Variants in VPS53 observed in about 807,000 individuals in gnomAD.
The protein encoded by VPS53 is VPS53 subunit of GARP complex.
VPS53 carries 70 observed loss-of-function variants against 107.0 expected under a neutral mutation model. That is an observed-to-expected ratio of 0.65 (90% CI 0.54 to 0.80). The LOEUF is 0.80. Ranked by LOEUF, VPS53 falls within the 30% of genes least tolerant of loss-of-function variation. VPS53 has a pLI of 0.00. For synonymous variants in VPS53, 409 were observed against 393.3 expected (o/e 1.04, Z -0.47); for missense variants, 917 against 1,049.4 (o/e 0.87, Z 1.74).
In VPS53 at chr17:517,207, G is replaced by T; in HGVS notation, c.*1921C>A. On this transcript the variant is annotated 3_prime_UTR_variant, in exon 22 of 22. Coordinates refer to ENST00000437048, the MANE Select transcript of VPS53 (RefSeq NM_001128159.3). ...TCTTATTTGGAATCTTTTCCTAATA[G>T]ACCTCAACTGAAGGCCGCATCTCCT... 2.7e-6 allele frequency: 1 copy of T among 370,986 alleles called. No homozygotes were observed. The highest frequency in any genetic ancestry group is 4.8e-6 in the Non-Finnish European group (1 of 209,192). The allele number at this position is 370,986 out of a possible 1,614,324, so 23.0% of individuals were successfully genotyped here.
chr17:631,698 G>C, intron 7 of VPS53, 70 bp from the exon 8 acceptor site: 1 of 1,445,950 alleles, frequency 6.9e-7, no homozygotes, highest in Admixed American at 1.8e-5. Context: ...GATCCACAGG[G>C]TCGGAAGGGC....
intron 12 of VPS53, chr17:599,986 C>A (rs1466126642): frequency 1.3e-5 from 2 of 152,264 alleles, no homozygotes; most frequent in African/African-American, 4.8e-5. Flanking sequence ...GACAAGAGTC[C>A]AGCATTTTCC....
chr17:655,375 A>G (rs1196017367), intron 6 of VPS53, among the ~76,000 whole-genome samples: 1 of 151,922 alleles, frequency 6.6e-6, no homozygotes, highest in Non-Finnish European at 1.5e-5. Flanking sequence ...ATGACAGTGC[A>G]ACTCAGCCCA....
In VPS53 at chr17:519,840, T is replaced by C. The variant is rs1908587077; in HGVS notation, c.2314A>G (p.Ile772Val). Residue 772 changes from isoleucine to valine, a missense_variant, in exon 21 of 22, where the codon ATA becomes GTA. Physicochemically the swap from Ile to Val is conservative, Grantham distance 29 (BLOSUM62 3). Transcript: ENST00000437048. The surrounding 1 kb of genome is among the most constrained non-coding windows in gnomAD (Gnocchi z 5.0). ...TDCNTETFQK[I>V]LDMKGLKRSE... is the part of the protein sequence containing the mutation. ...CCGGCACAAACCTTCATGTCCAGTA[T>C]CTTCTGAAAGGTTTCTGTGTTGCAG... 6.4e-7 allele frequency: 1 copy of C among 1,551,426 alleles called. No homozygotes were observed. The highest frequency in any genetic ancestry group is 2.0e-5 in the Admixed American group (1 of 51,006).
chr17:588,025 G>A (rs1967417884), intron 12 of VPS53, among the ~76,000 whole-genome samples: 2 of 152,062 alleles, frequency 1.3e-5, no homozygotes, highest in Non-Finnish European at 2.9e-5. Flanking sequence ...ATTACTTGTG[G>A]TAAGAATGCT....
intron 13 of VPS53, among the ~76,000 whole-genome samples, chr17:581,268 A>G (rs918855250): frequency 2.0e-5 from 3 of 150,726 alleles, no homozygotes; most frequent in Non-Finnish European, 4.4e-5. Context: ...ATTCGTTTCC[A>G]GAGAACCTCC....
chr17:672,900 C>G (rs992216725), intron 4 of VPS53, among the ~76,000 whole-genome samples: 1 of 152,122 alleles, frequency 6.6e-6, no homozygotes, highest in Non-Finnish European at 1.5e-5. Context: ...ATCACGAGGT[C>G]AGGAGATCGA....
intron 4 of VPS53, among the ~76,000 whole-genome samples, chr17:668,947 CAAGA>C (rs770124605): frequency 5.3e-5 from 8 of 152,260 alleles, no homozygotes; most frequent in Non-Finnish European, 7.4e-5. Flanking sequence ...TCACAGTCTC[CAAGA>C]TAGATAAACT....
chr17:614,949 AC>A (rs1267964277), intron 11 of VPS53, among the ~76,000 whole-genome samples: 1 of 152,238 alleles, frequency 6.6e-6, no homozygotes, highest in African/African-American at 2.4e-5. Context: ...TACAAAAAAA[AC>A]AAAAAACAAA....
chr17:628,761 C>T (rs910239178), intron 8 of VPS53, among the ~76,000 whole-genome samples: 16 of 152,248 alleles, frequency 1.1e-4, no homozygotes, highest in Middle Eastern at 3.4e-3. Flanking sequence ...TTCCAAGCCA[C>T]GACATGTGTT....
chr17:708,926 G>A (rs1321660111), intron 2 of VPS53, among the ~76,000 whole-genome samples: 3 of 152,072 alleles, frequency 2.0e-5, no homozygotes, highest in African/African-American at 7.2e-5. Context: ...AACAGGTTGT[G>A]CCTTCAGTCT....
intron 7 of VPS53, among the ~76,000 whole-genome samples, chr17:637,460 G>A (rs1197269189): frequency 6.6e-6 from 1 of 152,120 alleles, no homozygotes; most frequent in African/African-American, 2.4e-5. Context: ...ACTTCTGCGA[G>A]CTTTTGAATG....
intron 17 of VPS53, among the ~76,000 whole-genome samples, chr17:549,520 C>T (rs1027989601): frequency 5.3e-5 from 8 of 151,950 alleles, no homozygotes; most frequent in Admixed American, 1.3e-4. Context: ...ATCCACCGAA[C>T]GAACCGACAG....
At chr17:710,640 A>ATG in intron 1 of VPS53, 27 bp from the exon 2 acceptor site, 1 of 1,505,834 alleles carries the variant, frequency 6.6e-7, no homozygotes, top group Non-Finnish European at 9.2e-7. Flanking sequence ...GAGTATATAT[A>ATG]AAAACATGTA....
chr17:680,654 C>A (rs1054586008), intron 4 of VPS53, among the ~76,000 whole-genome samples: 1 of 151,760 alleles, frequency 6.6e-6, no homozygotes, highest in Non-Finnish European at 1.5e-5. Context: ...TCAAAAGAAT[C>A]GGGAAACAAG....
At chr17:596,458 C>A (rs1464233246) in intron 12 of VPS53, among the ~76,000 whole-genome samples, 1 of 152,166 alleles carries the variant, frequency 6.6e-6, no homozygotes, top group Non-Finnish European at 1.5e-5. Flanking sequence ...CCAGGCAGTG[C>A]CAGGGTTCCA....
At chr17:585,138 A>C (rs764804640) in intron 13 of VPS53, among the ~76,000 whole-genome samples, 4 of 152,244 alleles carry the variant, frequency 2.6e-5, no homozygotes, top group Non-Finnish European at 4.4e-5. Flanking sequence ...TAGTAACTTC[A>C]CATTGAAGAC....
At chr17:535,152 G>C (rs1909936520) in intron 18 of VPS53, among the ~76,000 whole-genome samples, 2 of 152,172 alleles carry the variant, frequency 1.3e-5, no homozygotes, top group South Asian at 4.1e-4. Flanking sequence ...GATTTTAGCA[G>C]GATGAGAAGG....
At chr17:549,580 A>T (rs1321419059) in intron 17 of VPS53, among the ~76,000 whole-genome samples, 1 of 121,296 alleles carries the variant, frequency 8.2e-6, no homozygotes, top group Non-Finnish European at 1.6e-5. Context: ...CCGTGATTTT[A>T]TTGAAAAAAA....
Sources: gnomAD v4.1 joint callset for allele counts (sites outside exome capture counted in the v4.1 genomes callset) on GRCh38, gnomAD v4.1.1 for gene constraint, Gnocchi (gnomAD v3.1) non-coding constraint, MANE v1.5 for transcripts, NCBI Gene and HGNC (gene_info 2026-07-23, HGNC 2026-07-21) for gene names.